Variants in FRMD4A observed in about 807,000 individuals in gnomAD.
FRMD4A encodes FERM domain-containing protein 4A.
In FRMD4A, 29 loss-of-function variants were observed where a neutral mutation model predicts 129.1. The ratio of observed to expected loss-of-function variants is 0.22; its 90% CI spans 0.17 to 0.31. The LOEUF (loss-of-function observed/expected upper bound fraction) is 0.31, where lower values mean the gene tolerates loss of function less well. FRMD4A is among the 10% of genes least tolerant of loss of function. The pLI is 1.00. For missense variants in FRMD4A, 1,272 were observed against 1,375.8 expected (o/e 0.92, Z 1.19); for synonymous variants, 634 against 571.6 (o/e 1.11, Z -1.56).
rs528816063 is a variant in FRMD4A at position 14,029,309 on chromosome 10, C to T, written c.46-170397G>A. ...TGTAAAGGCATGAAGCTGGTCTCTC[C>T]TTAGTCCTTCTCCCTAGGGAAACGG... On this transcript the variant is annotated intron_variant, in intron 2 of 24. Transcript: ENST00000357447. 1.8e-3 allele frequency among the ~76,000 whole-genome samples: 267 copies of T among 152,106 alleles called. 1 individual carries two copies. The highest frequency in any genetic ancestry group is 6.3e-3 in the African/African-American group (261 of 41,496).
chr10:13,967,473 C>G (rs370293751), intron 2 of FRMD4A, among the ~76,000 whole-genome samples: 20 of 152,254 alleles, frequency 1.3e-4, no homozygotes, highest in South Asian at 6.2e-4. Flanking sequence ...TCTCACAAAC[C>G]ACCGGTGCAG....
chr10:14,126,959 G>T (rs1281247120), intron 2 of FRMD4A, among the ~76,000 whole-genome samples: 1 of 152,208 alleles, frequency 6.6e-6, no homozygotes, highest in Non-Finnish European at 1.5e-5. Flanking sequence ...AAATATTTGA[G>T]TGGCAGACTC....
At chr10:13,774,663 T>C (rs2092552612) in intron 6 of FRMD4A, among the ~76,000 whole-genome samples, 1 of 152,118 alleles carries the variant, frequency 6.6e-6, no homozygotes, top group Non-Finnish European at 1.5e-5. Context: ...TGCGACGGGA[T>C]CACGTCACAG....
chr10:14,047,471 C>A (rs1834037774), intron 2 of FRMD4A, among the ~76,000 whole-genome samples: 1 of 152,154 alleles, frequency 6.6e-6, no homozygotes, highest in Non-Finnish European at 1.5e-5. Context: ...AGGCCAGAGG[C>A]TGATGGAGGA....
intron 4 of FRMD4A, among the ~76,000 whole-genome samples, chr10:13,797,387 C>T (rs1222965480): frequency 1.3e-5 from 2 of 152,192 alleles, no homozygotes; most frequent in East Asian, 1.9e-4. Flanking sequence ...AATCCCAGCA[C>T]TTTGGAAGGC....
chr10:14,299,136 C>T (rs138000538), intron 2 of FRMD4A, among the ~76,000 whole-genome samples: 104 of 152,228 alleles, frequency 6.8e-4, no homozygotes, highest in African/African-American at 2.2e-3. Context: ...AGAAGGCTAC[C>T]CCAGTAGTCC....
chr10:13,830,166 C>T (rs78931325), intron 3 of FRMD4A, among the ~76,000 whole-genome samples: 1 of 152,338 alleles, frequency 6.6e-6, no homozygotes, highest in East Asian at 1.9e-4. Flanking sequence ...AAGGCCATGA[C>T]CTCACTGCCA....
At chr10:13,750,045 A>AAAGGAAGG (rs60816536) in intron 8 of FRMD4A, among the ~76,000 whole-genome samples, 3 of 119,032 alleles carry the variant, frequency 2.5e-5, no homozygotes, top group South Asian at 3.7e-4. Context: ...GAGGGAAAGG[A>AAAGGAAGG]AAGGAAGGAA....
intron 3 of FRMD4A, among the ~76,000 whole-genome samples, chr10:13,857,259 A>G (rs1273913542): frequency 1.3e-5 from 2 of 152,204 alleles, no homozygotes; most frequent in African/African-American, 4.8e-5. Context: ...ATAATGGTAT[A>G]TCAATTTCTA....
chr10:14,152,763 C>T (rs1840404348), intron 2 of FRMD4A, among the ~76,000 whole-genome samples: 1 of 151,986 alleles, frequency 6.6e-6, no homozygotes, highest in Non-Finnish European at 1.5e-5. Context: ...TCGCTTGAGC[C>T]TAGGAGGTTG....
intron 2 of FRMD4A, among the ~76,000 whole-genome samples, chr10:14,315,577 T>C (rs77154112): frequency 0.03 from 4,626 of 152,290 alleles, 124 homozygotes; most frequent in South Asian, 0.032. Flanking sequence ...GATTATTTTG[T>C]TCTCTTGCCT....
chr10:14,288,514 G>A (rs1589268883), intron 2 of FRMD4A, among the ~76,000 whole-genome samples: 3 of 152,170 alleles, frequency 2.0e-5, no homozygotes, highest in African/African-American at 7.2e-5. Flanking sequence ...TGGAATGGAA[G>A]AAGAGCGATT....
intron 6 of FRMD4A, among the ~76,000 whole-genome samples, chr10:13,773,498 T>C (rs75814134): frequency 0.014 from 2,152 of 152,330 alleles, 98 homozygotes; most frequent in South Asian, 0.12. Flanking sequence ...GAAAGGTCTT[T>C]CGACATGAGC....
intron 2 of FRMD4A, among the ~76,000 whole-genome samples, chr10:14,015,492 T>A (rs1013289373): frequency 6.7e-6 from 1 of 149,572 alleles, no homozygotes; most frequent in African/African-American, 2.4e-5. Flanking sequence ...TTGTCCTCCA[T>A]GAGCAGACAG....
chr10:13,903,324 G>A (rs2094842622), intron 2 of FRMD4A, among the ~76,000 whole-genome samples: 1 of 152,086 alleles, frequency 6.6e-6, no homozygotes, highest in South Asian at 2.1e-4. Context: ...TTACTTAGCT[G>A]TTTGTTTTAT....
At chr10:13,816,522 A>G (rs1371175149) in intron 3 of FRMD4A, among the ~76,000 whole-genome samples, 1 of 152,192 alleles carries the variant, frequency 6.6e-6, no homozygotes, top group East Asian at 1.9e-4. Context: ...TTTTCTGTAC[A>G]GTTGATTTAA....
chr10:13,971,852 G>A (rs1412297367), intron 2 of FRMD4A: 2 of 1,300,856 alleles, frequency 1.5e-6, no homozygotes, highest in Non-Finnish European at 2.0e-6. Context: ...CACATCCAGG[G>A]CTGTGTTCTT....
intron 2 of FRMD4A, among the ~76,000 whole-genome samples, chr10:14,048,857 GAATAGAATAGAATAGA>G (rs1834112465): frequency 5.4e-5 from 7 of 129,430 alleles, no homozygotes; most frequent in Non-Finnish European, 9.8e-5. Flanking sequence ...GAATAGAATA[GAATAGAATAGAATAGA>G]ATAGAATAGA....
intron 2 of FRMD4A, among the ~76,000 whole-genome samples, chr10:14,294,903 T>C (rs975411907): frequency 6.6e-6 from 1 of 152,224 alleles, no homozygotes; most frequent in African/African-American, 2.4e-5. Flanking sequence ...TCAGCACGTC[T>C]CCTTTACAGT....
Sources: allele counts gnomAD v4.1 joint callset (sites outside exome capture counted in the v4.1 genomes callset), GRCh38; gene constraint gnomAD v4.1.1; transcripts MANE v1.5; gene names NCBI Gene and HGNC (gene_info 2026-07-23, HGNC 2026-07-21).